The following MTRF1L variants were observed in gnomAD, a reference collection of about 807,000 sequenced individuals.
MTRF1L encodes the protein peptide chain release factor 1-like, mitochondrial.
In MTRF1L, 29 loss-of-function variants were observed where a neutral mutation model predicts 40.0. That is an observed-to-expected ratio of 0.73 (90% CI 0.54 to 0.99). The LOEUF (loss-of-function observed/expected upper bound fraction) is 0.99, where lower values mean the gene tolerates loss of function less well. Ranked by LOEUF, MTRF1L falls within the 50% of genes least tolerant of loss-of-function variation. The pLI is 0.00. For missense variants in MTRF1L, 412 were observed against 464.5 expected (o/e 0.89, Z 1.04); for synonymous variants, 150 against 175.8 (o/e 0.85, Z 1.16).
At chr6:152,993,254 C>G (rs1450373831) in intron 4 of MTRF1L, among the ~76,000 whole-genome samples, 1 of 152,090 alleles carries the variant, frequency 6.6e-6, no homozygotes, top group Non-Finnish European at 1.5e-5. Flanking sequence ...ACCACAGAAA[C>G]AGCAGAACTT....
intron 4 of MTRF1L, among the ~76,000 whole-genome samples, chr6:152,993,638 C>G (rs1401870453): frequency 6.6e-6 from 1 of 152,196 alleles, no homozygotes; most frequent in Non-Finnish European, 1.5e-5. Context: ...TGTTGACTCC[C>G]TCTTATGGTT....
intron 4 of MTRF1L, among the ~76,000 whole-genome samples, chr6:152,993,345 A>G (rs1778596822): frequency 8.6e-6 from 1 of 116,222 alleles, no homozygotes; most frequent in Non-Finnish European, 1.9e-5. Context: ...TAGCAGCAGG[A>G]AAAAAAAATG....
intron 2 of MTRF1L, among the ~76,000 whole-genome samples, chr6:152,997,858 T>G (rs185363418): frequency 2.6e-5 from 4 of 152,260 alleles, no homozygotes; most frequent in Admixed American, 2.6e-4. Flanking sequence ...TCCTTTTTTT[T>G]GTTTCCTGAT....
intron 1 of MTRF1L, among the ~76,000 whole-genome samples, chr6:152,999,828 C>G (rs1253806003): frequency 6.6e-6 from 1 of 152,164 alleles, no homozygotes; most frequent in Non-Finnish European, 1.5e-5. Context: ...ATTACCCTGT[C>G]TTGGGTATGT....
intron 4 of MTRF1L, among the ~76,000 whole-genome samples, chr6:152,993,623 C>T: frequency 1.3e-5 from 2 of 152,168 alleles, no homozygotes; most frequent in Non-Finnish European, 2.9e-5. Flanking sequence ...CTCTATGTCT[C>T]CCTGTGTTGA....
chr6:152,989,980 T>C lies in MTRF1L; in HGVS notation c.1058A>G (p.Asp353Gly). Residue 353 changes from aspartate to glycine, a missense_variant, in exon 7 of 7, where the codon GAT becomes GGT. Physicochemically the swap from Asp to Gly is moderately conservative, Grantham distance 94. Coordinates refer to ENST00000367233, the MANE Select transcript of MTRF1L (RefSeq NM_019041.7). ...LHDLETFMQG[D>G]YLLDELVQSL... Reference sequence around the variant, plus strand: ...CTGTACAAGTTCATCCAGTAGATAATCTCCTTGCATAAAAGTTTCAAGATC... The same window carrying C: ...CTGTACAAGTTCATCCAGTAGATAACCTCCTTGCATAAAAGTTTCAAGATC... The C allele has an allele frequency of 6.2e-7, 1 of 1,613,760 alleles. No homozygotes were observed. The highest frequency in any genetic ancestry group is 8.5e-7 in the Non-Finnish European group (1 of 1,179,830).
At chr6:152,998,175 AAAG>A (rs1220223281) in intron 2 of MTRF1L, 1 of 152,042 alleles carries the variant, frequency 6.6e-6, no homozygotes, top group Non-Finnish European at 1.5e-5. Context: ...AAAAAAAAAA[AAAG>A]GGAAGATATG....
At chr6:152,991,792 G>A (rs879789206) in intron 5 of MTRF1L, among the ~76,000 whole-genome samples, 23 of 152,042 alleles carry the variant, frequency 1.5e-4, no homozygotes, top group African/African-American at 5.1e-4. Flanking sequence ...CTCGTGATCC[G>A]CCTGCCTTGG....
chr6:152,998,230 C>T (rs1778786061), intron 2 of MTRF1L: 1 of 156,576 alleles, frequency 6.4e-6, no homozygotes, highest in South Asian at 2.1e-4. Context: ...ATCACTGTGA[C>T]ATTTATCTTT....
intron 2 of MTRF1L, among the ~76,000 whole-genome samples, chr6:152,997,190 A>T (rs1028465351): frequency 1.3e-5 from 2 of 152,218 alleles, no homozygotes; most frequent in Non-Finnish European, 2.9e-5. Flanking sequence ...GTTGAAGAAG[A>T]AGTCCACAGT....
Position 152,990,114 on chromosome 6 carries a change from A to G in MTRF1L, c.943-19T>C, listed in dbSNP as rs1778455004. The G allele has an allele frequency of 1.2e-6, 2 of 1,608,618 alleles. No individual in the cohort carries two copies. The highest frequency in any genetic ancestry group is 2.7e-5 in the African/African-American group (2 of 74,588). ...TTCCAATCTGTATATAGAGAAAAAGATGAGATGCAGCTAGATTCAGGGCAA... is the reference window on the plus strand; with the variant it reads ...TTCCAATCTGTATATAGAGAAAAAGGTGAGATGCAGCTAGATTCAGGGCAA... On this transcript the variant is annotated intron_variant, in intron 6 of 6. Coordinates refer to ENST00000367233, the MANE Select transcript of MTRF1L (RefSeq NM_019041.7).
chr6:152,997,538 A>G (rs1778754813), intron 2 of MTRF1L, among the ~76,000 whole-genome samples: 1 of 152,186 alleles, frequency 6.6e-6, no homozygotes, highest in Admixed American at 6.5e-5. Flanking sequence ...AATCAAAACA[A>G]TGGCCACCAA....
chr6:152,997,278 A>G (rs531787600), intron 2 of MTRF1L, among the ~76,000 whole-genome samples: 1 of 152,190 alleles, frequency 6.6e-6, no homozygotes, highest in East Asian at 1.9e-4. Context: ...GATGATTAAC[A>G]GAAGAAACAA....
intron 5 of MTRF1L, among the ~76,000 whole-genome samples, chr6:152,992,337 C>T (rs370967390): frequency 6.6e-6 from 1 of 152,176 alleles, no homozygotes; most frequent in African/African-American, 2.4e-5. Flanking sequence ...AGTCCCTTTG[C>T]CTAACTATCT....
intron 4 of MTRF1L, among the ~76,000 whole-genome samples, chr6:152,993,595 A>T (rs113685965): frequency 0.022 from 3,381 of 152,230 alleles, 110 homozygotes; most frequent in African/African-American, 0.078. Context: ...GAATCCTACC[A>T]TTCTCTGGGC....
intron 2 of MTRF1L, among the ~76,000 whole-genome samples, chr6:152,996,030 G>A (rs1176502883): frequency 6.6e-6 from 1 of 152,126 alleles, no homozygotes; most frequent in Non-Finnish European, 1.5e-5. Context: ...AATAAGAAAA[G>A]CTACCAACAT....
chr6:152,998,099 A>G (rs190863956), intron 2 of MTRF1L, among the ~76,000 whole-genome samples: 2 of 150,904 alleles, frequency 1.3e-5, no homozygotes, highest in East Asian at 3.9e-4. Context: ...GTTTTCCACA[A>G]ACTTTTGAAG....
chr6:152,994,406 C>T, intron 4 of MTRF1L, 107 bp downstream of exon 4: 1 of 1,201,822 alleles, frequency 8.3e-7, no homozygotes, highest in Non-Finnish European at 1.1e-6. Context: ...TCAAAATACA[C>T]AAGGAAGACC....
chr6:152,997,830 C>T (rs1171597479), intron 2 of MTRF1L, among the ~76,000 whole-genome samples: 1 of 152,126 alleles, frequency 6.6e-6, no homozygotes, highest in East Asian at 1.9e-4. Flanking sequence ...ACTCATGTTA[C>T]AGTCCTTATT....
Sources: allele counts gnomAD v4.1 joint callset (sites outside exome capture counted in the v4.1 genomes callset), GRCh38; gene constraint gnomAD v4.1.1; transcripts MANE v1.5; gene names NCBI Gene and HGNC (gene_info 2026-07-23, HGNC 2026-07-21).